BCAS2: variants seen among roughly 807,000 people sequenced by gnomAD.
The protein encoded by BCAS2 is pre-mRNA-splicing factor SPF27.
A neutral mutation model predicts 35.3 loss-of-function variants in BCAS2; 34 were observed. The ratio of observed to expected loss-of-function variants is 0.96; its 90% CI spans 0.73 to 1.28. BCAS2 has a LOEUF of 1.28. Ranked by LOEUF, BCAS2 falls within the 50% of genes most tolerant of loss-of-function variation. The pLI, the probability that BCAS2 is intolerant of heterozygous loss-of-function variation, is 0.00. For missense variants in BCAS2, 221 were observed against 268.1 expected, an observed-to-expected ratio of 0.82 and a Z score of 1.23; for synonymous variants, 75 against 91.6, an observed-to-expected ratio of 0.82 and a Z score of 1.03.
At chr1:114,569,200 A>T (rs1175616413) in intron 6 of BCAS2, among the ~76,000 whole-genome samples, 1 of 152,198 alleles carries the variant, frequency 6.6e-6, no homozygotes, top group African/African-American at 2.4e-5. Context: ...GATAGTATTT[A>T]ATCAACAAAA....
chr1:114,580,129 G>A (rs1313767817), intron 2 of BCAS2, among the ~76,000 whole-genome samples: 1 of 151,768 alleles, frequency 6.6e-6, no homozygotes, highest in Non-Finnish European at 1.5e-5. Flanking sequence ...GTAGAGAAAG[G>A]GTCTCACTAT....
intron 4 of BCAS2, among the ~76,000 whole-genome samples, chr1:114,571,631 T>C (rs1287684558): frequency 6.6e-6 from 1 of 152,220 alleles, no homozygotes; most frequent in Admixed American, 6.5e-5. Context: ...GTGTTGGAAT[T>C]ACATGTGTGA....
chr1:114,577,105 G>A (rs931051253), intron 2 of BCAS2, among the ~76,000 whole-genome samples: 1 of 152,208 alleles, frequency 6.6e-6, no homozygotes, highest in African/African-American at 2.4e-5. Context: ...AATCCCCAAT[G>A]TAATAGTATT....
chr1:114,581,127 T>G (rs570559342), intron 2 of BCAS2, among the ~76,000 whole-genome samples, 172 bp downstream of exon 2: 24 of 152,260 alleles, frequency 1.6e-4, no homozygotes, highest in Non-Finnish European at 3.2e-4. Flanking sequence ...GATCTTAGAA[T>G]AAGAACCTCG....
intron 4 of BCAS2, among the ~76,000 whole-genome samples, chr1:114,575,289 G>A (rs1461819803): frequency 6.7e-6 from 1 of 149,126 alleles, no homozygotes; most frequent in East Asian, 2.0e-4. Flanking sequence ...CCAGGCTGAA[G>A]CAATTGTCAT....
At position 114,568,374 on chromosome 1, in the gene BCAS2, T is replaced by TG. The variant is rs1051579150; in HGVS notation, c.552-119_552-118insC. ...GCTATAACACTAACCTTCACTTTTT[T>TG]TTTTTTTTTGAGACGGAGTCTCGCT... On this transcript the variant is annotated intron_variant, in intron 6 of 6. Transcript: ENST00000369541. 5 of 1,204,188 alleles carry TG rather than the reference T, an allele frequency of 4.2e-6. No homozygotes were observed. In the African/African-American group the frequency reaches 7.7e-5, roughly 19 times the overall value. The allele number at this position is 1,204,188 out of a possible 1,614,324, so 74.6% of individuals were successfully genotyped here. A position where few individuals can be genotyped will look rare whatever the true frequency, so the allele number is the denominator to read the frequency against.
At chr1:114,578,235 A>T (rs1654815079) in intron 2 of BCAS2, among the ~76,000 whole-genome samples, 1 of 152,112 alleles carries the variant, frequency 6.6e-6, no homozygotes, top group African/African-American at 2.4e-5. Flanking sequence ...CAAAAAACAA[A>T]AAATTTCGTA....
At chr1:114,568,618 C>T (rs1465197604) in intron 6 of BCAS2, among the ~76,000 whole-genome samples, 3 of 151,786 alleles carry the variant, frequency 2.0e-5, no homozygotes, top group South Asian at 2.1e-4. Context: ...CCACCCACCT[C>T]GGTCTCCTAA....
At chr1:114,572,333 T>G (rs1357839318) in intron 4 of BCAS2, among the ~76,000 whole-genome samples, 1 of 152,240 alleles carries the variant, frequency 6.6e-6, no homozygotes, top group Non-Finnish European at 1.5e-5. Flanking sequence ...CTATTGATTT[T>G]AGTGCTCTAT....
chr1:114,569,565 G>A (rs899992921), intron 6 of BCAS2, among the ~76,000 whole-genome samples: 1 of 150,470 alleles, frequency 6.6e-6, no homozygotes, highest in African/African-American at 2.4e-5. Context: ...GTGCAGTGGT[G>A]TGATTATGAC....
chr1:114,575,492 G>C, intron 4 of BCAS2, 98 bp downstream of exon 4: 1 of 1,232,636 alleles, frequency 8.1e-7, no homozygotes, highest in Non-Finnish European at 1.1e-6. Context: ...ACTGCACCCA[G>C]CACCTCCCAT....
intron 4 of BCAS2, 74 bp downstream of exon 4, chr1:114,575,516 A>C: frequency 7.0e-7 from 1 of 1,426,752 alleles, no homozygotes; most frequent in Non-Finnish European, 9.5e-7. Context: ...TTTAAAATGT[A>C]CTAAAACTTT....
In BCAS2 at chr1:114,581,607, T is replaced by G; in HGVS notation, c.-16A>C. The G allele has an allele frequency of 6.2e-7, 1 of 1,612,510 alleles. No individual in the cohort carries two copies. The highest frequency in any genetic ancestry group is 8.5e-7 in the Non-Finnish European group (1 of 1,179,860). Reference sequence around the variant, plus strand: ...TGCCCGCCATTCTGAGGACCTCAGGTTTGCCTGCGTTTTCTGCGTCTGCGT... The same window carrying G: ...TGCCCGCCATTCTGAGGACCTCAGGGTTGCCTGCGTTTTCTGCGTCTGCGT... On this transcript the variant is annotated 5_prime_UTR_variant, in exon 1 of 7. Coordinates refer to ENST00000369541, the MANE Select transcript of BCAS2 (RefSeq NM_005872.3).
chr1:114,581,197 G>A, intron 2 of BCAS2, 102 bp downstream of exon 2: 2 of 1,149,718 alleles, frequency 1.7e-6, no homozygotes, highest in Non-Finnish European at 2.6e-6. Flanking sequence ...TAGGTAAGTA[G>A]TAGCTATGCA....
chr1:114,581,537 A>G lies in BCAS2; in HGVS notation c.55T>C (p.Phe19Leu). 6.2e-7 allele frequency: 1 copy of G among 1,614,072 alleles called. No individual in the cohort carries two copies. Among genetic ancestry groups the G allele is most frequent in the Non-Finnish European group, 8.5e-7 (1 of 1,180,030 alleles). Reference sequence around the variant, plus strand: ...CCAGGGGCTTCATAACCTTGATCAAAATACGGCAGCGCATCCACCACAACC... The same window carrying G: ...CCAGGGGCTTCATAACCTTGATCAAGATACGGCAGCGCATCCACCACAACC... ...GEVVVDALPY[F>L]DQGYEAPGVR... Residue 19 changes from phenylalanine (F) to leucine (L), a missense_variant, in exon 1 of 7, where the codon TTT becomes CTT. Physicochemically the swap from Phe to Leu is conservative, Grantham distance 22 (BLOSUM62 0). Transcript: ENST00000369541.
At position 114,570,040 on chromosome 1, in the gene BCAS2, T is replaced by C; in HGVS notation, c.503A>G (p.Lys168Arg). 1 of 1,611,950 alleles carries C rather than the reference T, an allele frequency of 6.2e-7. No homozygotes were observed. Among genetic ancestry groups the C allele is most frequent in the South Asian group, 1.1e-5 (1 of 91,000 alleles). Residue 168 changes from lysine (K) to arginine (R), a missense_variant, in exon 6 of 7, where the codon AAG becomes AGG. Physicochemically the swap from Lys to Arg is conservative, Grantham distance 26 (BLOSUM62 2). Transcript: ENST00000369541. ...AGATCCAGCTGTGAGTTGCATGTTC[T>C]TTCTCTGCCAGTTTAAATCTTGAAT... ...KHIQDLNWQR[K>R]NMQLTAGSKL...
Position 114,575,576 on chromosome 1 carries a change from A to G in BCAS2, c.419+14T>C, listed in dbSNP as rs1382228662. ...AAAACAAAAAAAACAGAAGATGAAG[A>G]AAAAGGTTCTTACTCATTGTATACT... On this transcript the variant is annotated intron_variant, in intron 4 of 6. Transcript: ENST00000369541. The G allele has an allele frequency of 6.4e-7, 1 of 1,565,652 alleles. No homozygotes were observed. Among genetic ancestry groups the G allele is most frequent in the Non-Finnish European group, 8.6e-7 (1 of 1,163,484 alleles).
chr1:114,580,764 A>G (rs1654869939), intron 2 of BCAS2, among the ~76,000 whole-genome samples: 1 of 152,250 alleles, frequency 6.6e-6, no homozygotes. Context: ...CATATCAGTG[A>G]AAATTATTGC....
Position 114,575,644 on chromosome 1 carries a change from T to G in BCAS2, c.365A>C (p.Glu122Ala). 6.2e-7 allele frequency: 1 copy of G among 1,612,512 alleles called. No homozygotes were observed. Among genetic ancestry groups the G allele is most frequent in the Non-Finnish European group, 8.5e-7 (1 of 1,179,848 alleles). The stretch of plus-strand genomic sequence containing the variant: ...ATGCTGTGACATTAGTTCCAGATTC[T>G]CAATTCTAACTGCTTGATGCTCTAA... ...AQLEHQAVRI[E>A]NLELMSQHGC... The change falls in exon 4 of 7, where the codon GAG (glutamate) becomes GCG (alanine). Residue 122 changes from glutamate to alanine, a missense_variant. By Grantham distance (107) the Glu-to-Ala change is moderately radical (BLOSUM62 -1). Coordinates refer to ENST00000369541, the MANE Select transcript of BCAS2 (RefSeq NM_005872.3).
Sources: gnomAD v4.1 joint callset for allele counts (sites outside exome capture counted in the v4.1 genomes callset) on GRCh38, gnomAD v4.1.1 for gene constraint, MANE v1.5 for transcripts, NCBI Gene and HGNC (gene_info 2026-07-23, HGNC 2026-07-21) for gene names.